The following RBFOX1 variants were observed in gnomAD, a reference collection of about 807,000 sequenced individuals.
RBFOX1 encodes RNA binding fox-1 homolog 1.
Under a neutral mutation model 57.7 loss-of-function variants are expected in RBFOX1, and 8 were observed. The ratio of observed to expected loss-of-function variants is 0.14; its 90% confidence interval spans 0.08 to 0.25. The LOEUF is 0.25. Ranked by LOEUF, RBFOX1 falls within the 10% of genes least tolerant of loss-of-function variation. The pLI, the probability that RBFOX1 is intolerant of heterozygous loss-of-function variation, is 1.00. For synonymous variants in RBFOX1, 326 were observed against 222.4 expected (o/e 1.47, Z -4.15); for missense variants, 611 against 548.5 (o/e 1.11, Z -1.14).
upstream of RBFOX1, among the ~76,000 whole-genome samples, chr16:6,016,053 A>G (rs10451139): frequency 0.011 from 1,648 of 152,328 alleles, 36 homozygotes; most frequent in African/African-American, 0.037. Flanking sequence ...TTAGACAGCA[A>G]TCTACTGCAG....
chr16:5,457,062 G>A (rs926627394), intron 1 of RBFOX1, among the ~76,000 whole-genome samples: 1 of 152,186 alleles, frequency 6.6e-6, no homozygotes, highest in Non-Finnish European at 1.5e-5. Flanking sequence ...TCCAGGGGAG[G>A]ACTCGCTTCC....
In RBFOX1 at chr16:6,985,874, T is replaced by A. The variant is rs571308441; in HGVS notation, c.-15-66183T>A. 3.3e-4 allele frequency among the ~76,000 whole-genome samples: 50 copies of A among 150,850 alleles called. No homozygotes were observed. In the East Asian group the frequency reaches 9.3e-3, roughly 28 times the overall value. ...AGAATTTTTTTTTCTTTTTTCTTTT[T>A]CTTTTCTTTTTTTGCAGGACTTCTT... On this transcript the variant is annotated intron_variant, in intron 3 of 15. Coordinates refer to ENST00000550418, the MANE Select transcript of RBFOX1 (RefSeq NM_018723.4).
chr16:5,466,306 G>A (rs2068951493), intron 1 of RBFOX1, among the ~76,000 whole-genome samples: 1 of 152,184 alleles, frequency 6.6e-6, no homozygotes, highest in Non-Finnish European at 1.5e-5. Context: ...GGTCCTTCCT[G>A]TGCAAGCAAC....
chr16:6,959,452 A>G (rs368064013), intron 3 of RBFOX1, among the ~76,000 whole-genome samples: 15 of 152,308 alleles, frequency 9.8e-5, no homozygotes, highest in African/African-American at 3.6e-4. Flanking sequence ...AGAAGTTGGA[A>G]TAAAATCTTG....
chr16:7,686,526 C>T (rs1350553857), intron 14 of RBFOX1, among the ~76,000 whole-genome samples: 2 of 152,038 alleles, frequency 1.3e-5, no homozygotes, highest in African/African-American at 4.8e-5. Context: ...CTGCCCTCTT[C>T]TTTGGGTGGA....
chr16:7,346,761 G>A (rs1424677988), intron 4 of RBFOX1, among the ~76,000 whole-genome samples: 2 of 152,132 alleles, frequency 1.3e-5, no homozygotes, highest in African/African-American at 2.4e-5. Context: ...AGACCCATAA[G>A]ATTCATGAGA....
At chr16:7,057,992 A>T (rs2052942756) in intron 4 of RBFOX1, among the ~76,000 whole-genome samples, 1 of 131,374 alleles carries the variant, frequency 7.6e-6, no homozygotes, top group Non-Finnish European at 1.6e-5. Context: ...TGGTCGACAG[A>T]GGGAGACTGT....
chr16:6,244,353 C>A (rs183370591), intron 1 of RBFOX1, among the ~76,000 whole-genome samples: 1 of 152,296 alleles, frequency 6.6e-6, no homozygotes, highest in African/African-American at 2.4e-5. Context: ...GTGTCTCACT[C>A]ACCTGCAGTC....
intron 1 of RBFOX1, among the ~76,000 whole-genome samples, chr16:6,201,864 C>G (rs1013143594): frequency 9.2e-5 from 14 of 152,158 alleles, no homozygotes; most frequent in Non-Finnish European, 8.8e-5. Context: ...TCTGTCAACT[C>G]ATGGACATAC....
chr16:6,932,958 C>A (rs1463722526), intron 3 of RBFOX1, among the ~76,000 whole-genome samples: 1 of 152,196 alleles, frequency 6.6e-6, no homozygotes, highest in Admixed American at 6.5e-5. Flanking sequence ...ATGAACTTGA[C>A]TGCTCTAGTA....
At chr16:6,194,510 G>A (rs1016552127) in intron 1 of RBFOX1, among the ~76,000 whole-genome samples, 20 of 152,106 alleles carry the variant, frequency 1.3e-4, no homozygotes, top group Admixed American at 1.2e-3. Flanking sequence ...TTCAGTGCAC[G>A]TAATGAGCCT....
intron 3 of RBFOX1, among the ~76,000 whole-genome samples, chr16:6,845,853 C>G (rs1050921848): frequency 6.6e-6 from 1 of 152,122 alleles, no homozygotes; most frequent in Non-Finnish European, 1.5e-5. Context: ...AATCTCAGTC[C>G]CACTTGTGTA....
chr16:7,601,333 A>G (rs1221230003), intron 9 of RBFOX1, among the ~76,000 whole-genome samples: 3 of 152,198 alleles, frequency 2.0e-5, no homozygotes, highest in African/African-American at 7.2e-5. Context: ...AGTGCTCAAC[A>G]CAATGCTAGG....
intron 3 of RBFOX1, among the ~76,000 whole-genome samples, chr16:6,808,899 A>T (rs1380749918): frequency 6.6e-6 from 1 of 152,206 alleles, no homozygotes; most frequent in Non-Finnish European, 1.5e-5. Flanking sequence ...GGATAATCCC[A>T]AAGCAAGATG....
intron 3 of RBFOX1, among the ~76,000 whole-genome samples, chr16:5,672,376 A>G (rs2050038723): frequency 6.6e-6 from 1 of 152,000 alleles, no homozygotes. Flanking sequence ...AGTGCTTCCC[A>G]CCATTTCTGC....
chr16:6,719,647 C>A (rs1221371995), intron 3 of RBFOX1, among the ~76,000 whole-genome samples: 1 of 151,792 alleles, frequency 6.6e-6, no homozygotes, highest in Non-Finnish European at 1.5e-5. Flanking sequence ...GGGGTTTCAC[C>A]ATGTTAGCTA....
chr16:5,663,405 A>G (rs915761280), intron 3 of RBFOX1, among the ~76,000 whole-genome samples: 2 of 150,162 alleles, frequency 1.3e-5, no homozygotes, highest in South Asian at 2.1e-4. Flanking sequence ...GGGTCTCACT[A>G]TGTTGGCCAG....
At chr16:7,197,235 A>T (rs566696582) in intron 4 of RBFOX1, among the ~76,000 whole-genome samples, 10 of 152,064 alleles carry the variant, frequency 6.6e-5, no homozygotes, top group Non-Finnish European at 1.0e-4. Context: ...GTCTTTAGGG[A>T]TGAAGAAAAT....
chr16:6,574,424 ATT>A (rs34505014), intron 2 of RBFOX1, among the ~76,000 whole-genome samples: 7,460 of 89,674 alleles, frequency 0.083, 376 homozygotes, highest in African/African-American at 0.22. Flanking sequence ...CGTATCTTCT[ATT>A]TTTTTTTTTT....
Sources: gnomAD v4.1 joint callset for allele counts (sites outside exome capture counted in the v4.1 genomes callset) on GRCh38, gnomAD v4.1.1 for gene constraint, MANE v1.5 for transcripts, NCBI Gene and HGNC (gene_info 2026-07-23, HGNC 2026-07-21) for gene names.